The following TRHDE variants were observed in gnomAD, a reference collection of about 807,000 sequenced individuals.
TRHDE encodes the protein thyrotropin-releasing hormone-degrading ectoenzyme.
A neutral mutation model predicts 125.7 loss-of-function variants in TRHDE; 72 were observed. The ratio of observed to expected loss-of-function variants is 0.57; its 90% CI spans 0.47 to 0.70. The LOEUF is 0.70. TRHDE is among the 30% of genes least tolerant of loss of function. The pLI is 0.00. For synonymous variants in TRHDE, 509 were observed against 509.1 expected (o/e 1.00, Z 0.00); for missense variants, 1,110 against 1,327.1 (o/e 0.84, Z 2.54).
chr12:72,423,660 A>G (rs917509781), intron 3 of TRHDE, among the ~76,000 whole-genome samples: 1 of 152,184 alleles, frequency 6.6e-6, no homozygotes, highest in African/African-American at 2.4e-5. Context: ...ATTAAATGGC[A>G]AAGGGAGTTT....
At chr12:72,629,553 T>C (rs745950431) in intron 15 of TRHDE, among the ~76,000 whole-genome samples, 2 of 151,712 alleles carry the variant, frequency 1.3e-5, no homozygotes, top group Non-Finnish European at 2.9e-5. Context: ...TCAGTGAATA[T>C]AGATTCACAT....
At chr12:72,193,263 C>A (rs1044963308) in intron 2 of TRHDE, among the ~76,000 whole-genome samples, 3 of 151,804 alleles carry the variant, frequency 2.0e-5, no homozygotes, top group South Asian at 4.1e-4. Context: ...CAGCATGTTC[C>A]ATTTCAGCCT....
intron 3 of TRHDE, among the ~76,000 whole-genome samples, chr12:72,414,743 T>C (rs1873659530): frequency 6.6e-6 from 1 of 152,164 alleles, no homozygotes. Context: ...TTAATTGATC[T>C]CTTCCTAGTA....
intron 12 of TRHDE, among the ~76,000 whole-genome samples, chr12:72,615,875 A>G (rs1476982665): frequency 1.3e-5 from 2 of 152,148 alleles, no homozygotes; most frequent in African/African-American, 4.8e-5. Context: ...TATTCAATAC[A>G]AGACTGCCAA....
intron 2 of TRHDE, among the ~76,000 whole-genome samples, chr12:72,323,889 G>T (rs567508224): frequency 4.9e-4 from 74 of 152,140 alleles, no homozygotes; most frequent in African/African-American, 1.7e-3. Flanking sequence ...GGCTGGTAGA[G>T]ATGGCAGCAG....
At chr12:72,379,268 AT>A (rs1872037828) in intron 3 of TRHDE, among the ~76,000 whole-genome samples, 1 of 152,238 alleles carries the variant, frequency 6.6e-6, no homozygotes, top group Non-Finnish European at 1.5e-5. Context: ...TACAATTTTT[AT>A]GAGTGATATT....
intron 6 of TRHDE, among the ~76,000 whole-genome samples, chr12:72,511,088 A>G (rs1362413269): frequency 6.6e-6 from 1 of 152,164 alleles, no homozygotes; most frequent in African/African-American, 2.4e-5. Flanking sequence ...AGGCAATTAA[A>G]CATTTTAATA....
intron 15 of TRHDE, among the ~76,000 whole-genome samples, chr12:72,647,594 A>T (rs758505401): frequency 6.6e-6 from 1 of 152,086 alleles, no homozygotes; most frequent in Non-Finnish European, 1.5e-5. Flanking sequence ...AGGAGTAGAT[A>T]TTACAACTGA....
At position 72,308,289 on chromosome 12, in the gene TRHDE, T is replaced by C. The variant is rs148476483; in HGVS notation, c.1188+21335T>C. 2.9e-3 allele frequency among the ~76,000 whole-genome samples: 444 copies of C among 152,216 alleles called. 1 individual carries two copies. The highest frequency in any genetic ancestry group is 0.017 in the Middle Eastern group (5 of 294). Reference sequence around the variant, plus strand: ...ATTGCCTTGACCCAGTATTTGCAAATAACTTCTTCAGACAATTGATATCTG... The same window carrying C: ...ATTGCCTTGACCCAGTATTTGCAAACAACTTCTTCAGACAATTGATATCTG... On this transcript the variant is annotated intron_variant, in intron 2 of 18. Transcript: ENST00000261180.
chr12:72,669,620 C>T lies in TRHDE; in HGVS notation c.*6425C>T, dbSNP rs543144116. ...TTTGCTCTTGTAAACAATTTTGTTC[C>T]CACCTTTACATAGCGTATGACCTAC... On this transcript the variant is annotated 3_prime_UTR_variant, in exon 19 of 19. Transcript: ENST00000261180. 4.0e-5 allele frequency: 6 copies of T among 151,778 alleles called. No homozygotes were observed. The South Asian group carries it at 1.2e-3, about 32-fold the overall frequency. 9.4% of individuals were successfully genotyped at this position (151,778 alleles called of 1,614,324 possible).
At chr12:72,164,075 A>G (rs373573282) in intron 2 of TRHDE, among the ~76,000 whole-genome samples, 1 of 152,174 alleles carries the variant, frequency 6.6e-6, no homozygotes, top group Non-Finnish European at 1.5e-5. Context: ...CCGCCACTGC[A>G]CTCCATCCTG....
chr12:72,450,107 ATCAG>A, intron 3 of TRHDE, among the ~76,000 whole-genome samples: 1 of 151,996 alleles, frequency 6.6e-6, no homozygotes, highest in East Asian at 1.9e-4. Flanking sequence ...AGTACAAAAT[ATCAG>A]TCAGATAGGA....
intron 2 of TRHDE, among the ~76,000 whole-genome samples, chr12:72,251,172 AT>A (rs1878675953): frequency 6.6e-6 from 1 of 151,940 alleles, no homozygotes; most frequent in Non-Finnish European, 1.5e-5. Context: ...GTGTGTATAT[AT>A]GTTTAATTCT....
At chr12:72,259,561 C>T (rs1386701811) in intron 2 of TRHDE, among the ~76,000 whole-genome samples, 1 of 152,208 alleles carries the variant, frequency 6.6e-6, no homozygotes, top group African/African-American at 2.4e-5. Context: ...TACATACAGA[C>T]ACACACTTAA....
intron 2 of TRHDE, among the ~76,000 whole-genome samples, chr12:72,184,381 C>CCCT (rs1428744496): frequency 9.2e-5 from 14 of 152,038 alleles, no homozygotes; most frequent in African/African-American, 3.1e-4. Context: ...CTGTATCTGA[C>CCCT]CCTCCCCTCC....
intron 3 of TRHDE, among the ~76,000 whole-genome samples, chr12:72,441,128 GA>G (rs933338086): frequency 3.7e-4 from 55 of 148,778 alleles, no homozygotes; most frequent in East Asian, 9.9e-4. Flanking sequence ...AGGGCTTAAT[GA>G]AAAAAAAAAT....
intron 6 of TRHDE, among the ~76,000 whole-genome samples, chr12:72,512,421 ATATATAT>A (rs1262870281): frequency 9.1e-6 from 1 of 110,226 alleles, no homozygotes; most frequent in African/African-American, 4.9e-5. Flanking sequence ...TAACTATATA[ATATATAT>A]TATATAATAT....
intron 2 of TRHDE, among the ~76,000 whole-genome samples, chr12:72,223,667 A>G (rs907328008): frequency 4.6e-5 from 7 of 152,112 alleles, no homozygotes; most frequent in African/African-American, 1.4e-4. Context: ...AGCAATATAA[A>G]CTCAGTTGTA....
At chr12:72,459,448 T>G (rs1221475100) in intron 3 of TRHDE, among the ~76,000 whole-genome samples, 1 of 152,144 alleles carries the variant, frequency 6.6e-6, no homozygotes, top group Non-Finnish European at 1.5e-5. Flanking sequence ...CCACATATAT[T>G]AATTCATACA....
Sources: gnomAD v4.1 joint callset for allele counts (sites outside exome capture counted in the v4.1 genomes callset) on GRCh38, gnomAD v4.1.1 for gene constraint, MANE v1.5 for transcripts, NCBI Gene and HGNC (gene_info 2026-07-23, HGNC 2026-07-21) for gene names.